CDC14A: variants seen among roughly 807,000 people sequenced by gnomAD.
The protein encoded by CDC14A is cell division cycle 14A.
CDC14A carries 53 observed loss-of-function variants against 74.4 expected under a neutral mutation model. That is an observed-to-expected ratio of 0.71 (90% confidence interval 0.57 to 0.89). The LOEUF (loss-of-function observed/expected upper bound fraction) is 0.89. Among genes scored for constraint, CDC14A ranks in the 40% least tolerant of loss-of-function variants. CDC14A has a pLI of 0.00. For missense variants in CDC14A, 646 were observed against 713.7 expected (o/e 0.91, Z 1.08); for synonymous variants, 247 against 258.4 (o/e 0.96, Z 0.43).
intron 3 of CDC14A, chr1:100,383,721 A>G (rs1656461457): frequency 6.6e-6 from 1 of 152,388 alleles, no homozygotes. Flanking sequence ...CAGAACTTGC[A>G]TGTTTAGGAG....
intron 4 of CDC14A, among the ~76,000 whole-genome samples, chr1:100,413,572 G>A (rs770118697): frequency 6.6e-6 from 1 of 152,082 alleles, no homozygotes; most frequent in Non-Finnish European, 1.5e-5. Flanking sequence ...TTCTCTCTTC[G>A]AGGAGATCAC....
intron 4 of CDC14A, among the ~76,000 whole-genome samples, chr1:100,396,176 G>T (rs1353328582): frequency 2.6e-5 from 4 of 152,246 alleles, no homozygotes; most frequent in African/African-American, 9.6e-5. Context: ...TTCACCCGTT[G>T]AGTTGGAAGC....
chr1:100,436,479 T>C (rs1003949504), intron 5 of CDC14A, among the ~76,000 whole-genome samples: 12 of 151,872 alleles, frequency 7.9e-5, no homozygotes, highest in Non-Finnish European at 2.9e-5. Flanking sequence ...GACTGGAGTG[T>C]AGTGGCACAA....
chr1:100,442,182 G>A (rs1665006419), intron 6 of CDC14A, among the ~76,000 whole-genome samples: 1 of 149,750 alleles, frequency 6.7e-6, no homozygotes, highest in African/African-American at 2.4e-5. Flanking sequence ...TGTAAGAGCA[G>A]TCAAGTATAA....
intron 15 of CDC14A, among the ~76,000 whole-genome samples, chr1:100,511,782 T>G (rs1649804168): frequency 6.6e-6 from 1 of 152,210 alleles, no homozygotes; most frequent in Non-Finnish European, 1.5e-5. Context: ...CTTCATGAAC[T>G]ATCGCATAGC....
At chr1:100,505,726 G>A (rs1649169823) in intron 15 of CDC14A, among the ~76,000 whole-genome samples, 1 of 152,176 alleles carries the variant, frequency 6.6e-6, no homozygotes, top group South Asian at 2.1e-4. Flanking sequence ...ATCTTGTCCT[G>A]ATTTTAAATA....
intron 3 of CDC14A, chr1:100,383,449 T>C (rs1005902452): frequency 2.6e-5 from 4 of 152,608 alleles, no homozygotes; most frequent in South Asian, 2.1e-4. Flanking sequence ...ACATAAACCA[T>C]ATTTTGTTTT....
At chr1:100,461,223 C>T (rs570905017) in intron 8 of CDC14A, among the ~76,000 whole-genome samples, 1 of 152,308 alleles carries the variant, frequency 6.6e-6, no homozygotes, top group South Asian at 2.1e-4. Context: ...CTTCCTCCTC[C>T]TCAGGTTGAG....
intron 15 of CDC14A, among the ~76,000 whole-genome samples, chr1:100,511,852 A>C (rs914322685): frequency 2.6e-5 from 4 of 152,080 alleles, no homozygotes; most frequent in Non-Finnish European, 5.9e-5. Flanking sequence ...CCAGTGTTAA[A>C]TTTCTGAGAC....
At chr1:100,346,744 C>A (rs1243869278) in intron 1 of CDC14A, among the ~76,000 whole-genome samples, 2 of 151,724 alleles carry the variant, frequency 1.3e-5, no homozygotes, top group Non-Finnish European at 2.9e-5. Context: ...GCAAACTGGA[C>A]AATAAATTGA....
chr1:100,478,120 A>AAATAGAAGCTTT (rs1669104834), intron 10 of CDC14A, among the ~76,000 whole-genome samples: 1 of 152,192 alleles, frequency 6.6e-6, no homozygotes, highest in South Asian at 2.1e-4. Flanking sequence ...TCTTCTATTT[A>AAATAGAAGCTTT]AAGCTGAAGT....
At chr1:100,459,086 A>ACACACACACACACAC (rs1667021049) in intron 8 of CDC14A, among the ~76,000 whole-genome samples, 2 of 129,236 alleles carry the variant, frequency 1.5e-5, no homozygotes. Context: ...CTTCTATTTA[A>ACACACACACACACAC]ACACACACAC....
At chr1:100,396,484 T>C (rs2101002183) in intron 4 of CDC14A, among the ~76,000 whole-genome samples, 2 of 152,290 alleles carry the variant, frequency 1.3e-5, no homozygotes, top group South Asian at 4.1e-4. Flanking sequence ...CTGAAAATAA[T>C]GAAGTTGGAC....
intron 7 of CDC14A, among the ~76,000 whole-genome samples, chr1:100,445,017 A>G (rs1340450931): frequency 6.6e-6 from 1 of 152,202 alleles, no homozygotes; most frequent in African/African-American, 2.4e-5. Flanking sequence ...GTTAGAAACA[A>G]AGGGAATATG....
At chr1:100,409,266 C>G (rs913525323) in intron 4 of CDC14A, among the ~76,000 whole-genome samples, 3 of 152,272 alleles carry the variant, frequency 2.0e-5, no homozygotes, top group African/African-American at 7.2e-5. Flanking sequence ...ATTCAGACAC[C>G]TCCCATCGGG....
chr1:100,433,867 C>G (rs1188797603), intron 5 of CDC14A, among the ~76,000 whole-genome samples: 1 of 152,154 alleles, frequency 6.6e-6, no homozygotes, highest in East Asian at 1.9e-4. Flanking sequence ...ATACTTTTAC[C>G]ACTGCTGATT....
At chr1:100,458,993 G>T (rs898041997) in intron 8 of CDC14A, among the ~76,000 whole-genome samples, 2 of 151,942 alleles carry the variant, frequency 1.3e-5, no homozygotes, top group African/African-American at 4.8e-5. Context: ...ATTGATAAAT[G>T]ATGGATAACA....
intron 3 of CDC14A, 52 bp downstream of exon 3, chr1:100,377,673 G>A (rs987337102): frequency 1.4e-6 from 2 of 1,382,178 alleles, no homozygotes; most frequent in African/African-American, 1.4e-5. Context: ...TTGAACCATA[G>A]GATCTGCTCA....
intron 4 of CDC14A, chr1:100,393,002 G>A: frequency 7.8e-7 from 1 of 1,279,656 alleles, no homozygotes; most frequent in Admixed American, 2.1e-5. Flanking sequence ...TTTTGTGAGA[G>A]CCCAACTTTT....
Sources: gnomAD v4.1 joint callset for allele counts (sites outside exome capture counted in the v4.1 genomes callset) on GRCh38, gnomAD v4.1.1 for gene constraint, MANE v1.5 for transcripts, NCBI Gene and HGNC (gene_info 2026-07-23, HGNC 2026-07-21) for gene names.